Variants in GPAM observed in about 807,000 individuals in gnomAD.
GPAM encodes the protein glycerol-3-phosphate acyltransferase, mitochondrial, also known as glycerol-3-phosphate acyltransferase 1, mitochondrial.
A neutral mutation model predicts 105.0 loss-of-function variants in GPAM; 56 were observed. The observed-to-expected ratio is 0.53, with a 90% CI of 0.43 to 0.67. The LOEUF is 0.67. Among genes scored for constraint, GPAM ranks in the 30% least tolerant of loss-of-function variants. The pLI is 0.00. For synonymous variants in GPAM, 368 were observed against 354.4 expected (o/e 1.04, Z -0.43); for missense variants, 855 against 989.8 (o/e 0.86, Z 1.83).
intron 20 of GPAM, chr10:112,155,092 A>C (rs891898294): frequency 1.4e-5 from 3 of 212,424 alleles, no homozygotes; most frequent in Admixed American, 5.3e-5. Flanking sequence ...AACCAGAGAA[A>C]GCACAGGCCT....
At chr10:112,201,638 T>G (rs1847797936) in intron 1 of GPAM, among the ~76,000 whole-genome samples, 1 of 152,222 alleles carries the variant, frequency 6.6e-6, no homozygotes, top group Non-Finnish European at 1.5e-5. Context: ...AGACCTTAAC[T>G]TGGCTAGCAA....
Position 112,152,188 on chromosome 10 carries a change from C to G in GPAM, c.*1362G>C, listed in dbSNP as rs74156587. ...TATGTAACACTCATCTGGAAAAATTCTTAATTCCATAATATCTTGGAGATA... is the reference window on the plus strand; with the variant it reads ...TATGTAACACTCATCTGGAAAAATTGTTAATTCCATAATATCTTGGAGATA... On this transcript the variant is annotated 3_prime_UTR_variant, in exon 22 of 22. Coordinates refer to ENST00000348367, the MANE Select transcript of GPAM (RefSeq NM_001244949.2). 2.7e-3 allele frequency: 2,645 copies of G among 976,392 alleles called. 56 individuals carry two copies. The African/African-American group carries it at 0.044, about 16-fold the overall frequency. 60.5% of individuals were successfully genotyped at this position (976,392 alleles called of 1,614,324 possible).
Position 112,151,503 on chromosome 10 carries a change from A to T in GPAM, c.*2047T>A, listed in dbSNP as rs554228197. On this transcript the variant is annotated 3_prime_UTR_variant, in exon 22 of 22. Transcript: ENST00000348367. ...GCATATTTATCCTCACAGTGAGTTA[A>T]GTGGTGAGAGAGCTAGCAAATCATA... 1 of 985,698 alleles carries T rather than the reference A, an allele frequency of 1.0e-6. No individual in the cohort carries two copies. Among genetic ancestry groups the T allele is most frequent in the African/African-American group, 1.7e-5 (1 of 57,230 alleles). 61.1% of individuals were successfully genotyped at this position (985,698 alleles called of 1,614,324 possible). A position where few individuals can be genotyped will look rare whatever the true frequency, so the allele number is the denominator to read the frequency against.
chr10:112,190,081 A>G (rs1437017242), intron 1 of GPAM, among the ~76,000 whole-genome samples: 1 of 152,260 alleles, frequency 6.6e-6, no homozygotes, highest in Non-Finnish European at 1.5e-5. Context: ...ATAAAATAAA[A>G]TATGCACAAT....
At chr10:112,173,622 A>G (rs979597265) in intron 7 of GPAM, 77 bp downstream of exon 7, 19 of 1,319,962 alleles carry the variant, frequency 1.4e-5, no homozygotes, top group South Asian at 3.5e-5. Flanking sequence ...CTGTGCTAGG[A>G]AAGTTCAATA....
intron 1 of GPAM, among the ~76,000 whole-genome samples, chr10:112,192,657 G>A (rs1278629196): frequency 6.6e-6 from 1 of 152,216 alleles, no homozygotes; most frequent in Admixed American, 6.5e-5. Flanking sequence ...GAGTGGGTAA[G>A]TGGGAAAATG....
upstream of GPAM, among the ~76,000 whole-genome samples, chr10:112,216,844 G>A (rs1355391997): frequency 3.3e-5 from 5 of 151,420 alleles, no homozygotes; most frequent in African/African-American, 4.9e-5. Flanking sequence ...GGCTGGTCTC[G>A]AACTTCTGAC....
intron 7 of GPAM, 32 bp downstream of exon 7, chr10:112,173,667 G>A (rs1399027922): frequency 1.2e-6 from 2 of 1,606,924 alleles, no homozygotes. Context: ...GCATGGCTGT[G>A]ATTGAAAGCT....
At chr10:112,179,473 C>A (rs966244867) in intron 4 of GPAM, among the ~76,000 whole-genome samples, 2 of 152,224 alleles carry the variant, frequency 1.3e-5, no homozygotes, top group Non-Finnish European at 2.9e-5. Context: ...TTCTTGAATT[C>A]TACCAAATTC....
At chr10:112,191,948 G>A (rs74156595) in intron 1 of GPAM, among the ~76,000 whole-genome samples, 10,255 of 152,184 alleles carry the variant, frequency 0.067, 962 homozygotes, top group African/African-American at 0.21. Context: ...CTTAGAAACC[G>A]CAGCGAAGGT....
intron 1 of GPAM, among the ~76,000 whole-genome samples, chr10:112,209,003 G>A (rs1847881416): frequency 6.6e-6 from 1 of 152,222 alleles, no homozygotes; most frequent in Admixed American, 6.5e-5. Context: ...CAGCTGGAAT[G>A]GAGATGGTGT....
At chr10:112,183,538 A>T (rs1847546450) in intron 1 of GPAM, 155 bp downstream of exon 1, 1 of 152,342 alleles carries the variant, frequency 6.6e-6, no homozygotes, top group African/African-American at 2.4e-5. Flanking sequence ...AGCCCGACCG[A>T]TTTCTCAGGG....
At chr10:112,185,760 G>A (rs888590575), upstream of GPAM, among the ~76,000 whole-genome samples, 3 of 151,952 alleles carry the variant, frequency 2.0e-5, no homozygotes, top group African/African-American at 4.8e-5. Flanking sequence ...GTGACAGAGC[G>A]AGACTCTGTC....
rs949514897 is a variant in GPAM, at chr10:112,151,003, C to T, written c.*2547G>A. On this transcript the variant is annotated 3_prime_UTR_variant, in exon 22 of 22. Coordinates refer to ENST00000348367, the MANE Select transcript of GPAM (RefSeq NM_001244949.2). Reference sequence around the variant, plus strand: ...TCTACACATTTCCCACTAGTTTTTGCCTTTGTTTTTCATGCATTTTCAGAG... The same window carrying T: ...TCTACACATTTCCCACTAGTTTTTGTCTTTGTTTTTCATGCATTTTCAGAG... The T allele has an allele frequency of 1.3e-5, 13 of 985,624 alleles. No individual in the cohort carries two copies. The highest frequency in any genetic ancestry group is 5.2e-4 in the Middle Eastern group (1 of 1,914). 61.1% of individuals were successfully genotyped at this position (985,624 alleles called of 1,614,324 possible).
upstream of GPAM, among the ~76,000 whole-genome samples, chr10:112,216,441 G>T (rs1564693826): frequency 6.6e-6 from 1 of 152,084 alleles, no homozygotes; most frequent in Non-Finnish European, 1.5e-5. Flanking sequence ...GTCTTGAAGG[G>T]TATGGGCCTG....
intron 8 of GPAM, 73 bp from the exon 9 acceptor site, chr10:112,172,391 G>A: frequency 8.2e-7 from 1 of 1,221,884 alleles, no homozygotes. Context: ...TGCATATTTG[G>A]CTAGAGTCAC....
chr10:112,183,590 T>C (rs1283763077), intron 1 of GPAM, 103 bp downstream of exon 1: 1 of 152,538 alleles, frequency 6.6e-6, no homozygotes, highest in African/African-American at 2.4e-5. Flanking sequence ...GGGACACGAC[T>C]GCCCCAGCAA....
In GPAM at chr10:112,150,398, T is replaced by A. The variant is rs751654908; in HGVS notation, c.*3152A>T. The A allele has an allele frequency of 1.3e-5, 13 of 985,706 alleles. No homozygotes were observed. The highest frequency in any genetic ancestry group is 1.6e-5 in the Non-Finnish European group (13 of 829,890). 61.1% of individuals were successfully genotyped at this position (985,706 alleles called of 1,614,324 possible). On this transcript the variant is annotated 3_prime_UTR_variant, in exon 22 of 22. Transcript: ENST00000348367. ...CCAGGATCATTGGGGCTGTTCTCTCTATCAAAGGAAAGAGCTCCGATCACC... is the reference window on the plus strand; with the variant it reads ...CCAGGATCATTGGGGCTGTTCTCTCAATCAAAGGAAAGAGCTCCGATCACC...
intron 1 of GPAM, among the ~76,000 whole-genome samples, chr10:112,194,970 C>T (rs1171821493): frequency 6.6e-6 from 1 of 152,146 alleles, no homozygotes; most frequent in East Asian, 1.9e-4. Context: ...ACCCCCTTAT[C>T]TCCCTCTCCA....
Sources: allele counts gnomAD v4.1 joint callset (sites outside exome capture counted in the v4.1 genomes callset), GRCh38; gene constraint gnomAD v4.1.1; transcripts MANE v1.5; gene names NCBI Gene and HGNC (gene_info 2026-07-23, HGNC 2026-07-21).